The following CADM1 variants were observed in gnomAD, a reference collection of about 807,000 sequenced individuals.
CADM1 encodes the protein cell adhesion molecule 1.
CADM1 carries 15 observed loss-of-function variants against 53.1 expected under a neutral mutation model. The observed-to-expected ratio is 0.28, with a 90% CI of 0.19 to 0.44. CADM1 has a LOEUF of 0.44. CADM1 is among the 20% of genes least tolerant of loss of function. The pLI, the probability that CADM1 is intolerant of heterozygous loss-of-function variation, is 1.00. For synonymous variants in CADM1, 281 were observed against 243.0 expected (o/e 1.16, Z -1.45); for missense variants, 434 against 611.3 (o/e 0.71, Z 3.06).
intron 1 of CADM1, among the ~76,000 whole-genome samples, chr11:115,308,213 C>CATATATATATATATATAT (rs1944439260): frequency 2.4e-5 from 1 of 40,844 alleles, no homozygotes; most frequent in African/African-American, 1.4e-4. Context: ...TATATATATA[C>CATATATATATATATATAT]ACACCTATGA....
At chr11:115,209,770 T>A in intron 7 of CADM1, 113 bp from the exon 8 acceptor site, 1 of 1,304,682 alleles carries the variant, frequency 7.7e-7, no homozygotes. Flanking sequence ...GGCTTCCCCC[T>A]TTAAAACCAA....
chr11:115,219,313 T>C (rs1941315168), intron 5 of CADM1, among the ~76,000 whole-genome samples: 1 of 152,298 alleles, frequency 6.6e-6, no homozygotes, highest in Non-Finnish European at 1.5e-5. Context: ...AAGTCCTCAC[T>C]AGAGATAGCT....
At chr11:115,188,416 G>A (rs1446027566) in intron 10 of CADM1, among the ~76,000 whole-genome samples, 3 of 152,200 alleles carry the variant, frequency 2.0e-5, no homozygotes, top group Non-Finnish European at 4.4e-5. Context: ...AGATTAAAGA[G>A]GAGGATCAGC....
intron 1 of CADM1, among the ~76,000 whole-genome samples, chr11:115,268,611 C>A (rs1029027749): frequency 6.6e-6 from 1 of 152,188 alleles, no homozygotes; most frequent in African/African-American, 2.4e-5. Flanking sequence ...TGAGGGTAAC[C>A]AGAGCAGGGC....
chr11:115,296,903 T>A (rs928087614), intron 1 of CADM1, among the ~76,000 whole-genome samples: 2 of 152,198 alleles, frequency 1.3e-5, no homozygotes, highest in African/African-American at 4.8e-5. Flanking sequence ...AATGGGTTTG[T>A]CTTAATAAGT....
At chr11:115,202,619 G>T (rs895834104) in intron 8 of CADM1, among the ~76,000 whole-genome samples, 1 of 151,988 alleles carries the variant, frequency 6.6e-6, no homozygotes, top group Non-Finnish European at 1.5e-5. Flanking sequence ...ATTGTCATAA[G>T]CCTAAATGAA....
At position 115,234,893 on chromosome 11, in the gene CADM1, C is replaced by CCAAAA. The variant is rs1491516911; in HGVS notation, c.425-3404_425-3403insTTTTG. 1.5e-4 allele frequency among the ~76,000 whole-genome samples: 11 copies of CCAAAA among 75,398 alleles called. 1 individual carries two copies. Among genetic ancestry groups the CCAAAA allele is most frequent in the African/African-American group, 5.9e-4 (11 of 18,784 alleles). The allele number at this position is 75,398 out of a possible 152,430, so 49.5% of individuals were successfully genotyped here. ...GGGCGACACAGGGAGACTCCGTCTC[C>CCAAAA]AAAAAAAAAAAAAAAAAAAAAAAAA... is the stretch of plus-strand genomic sequence containing the variant. On this transcript the variant is annotated intron_variant, in intron 3 of 11. Transcript: ENST00000331581.
chr11:115,284,956 A>G lies in CADM1; in HGVS notation c.125-44536T>C, dbSNP rs537775091. ...CAAGAATGCCATGGAAGACAAAGAA[A>G]TACAGCTGGTTCAGTGAGTCAATCC... On this transcript the variant is annotated intron_variant, in intron 1 of 11. Coordinates refer to ENST00000331581, the MANE Select transcript of CADM1 (RefSeq NM_001301043.2). 1.8e-4 allele frequency among the ~76,000 whole-genome samples: 28 copies of G among 152,334 alleles called. 2 individuals are homozygous for G. The South Asian group carries it at 5.6e-3, about 30-fold the overall frequency.
intron 1 of CADM1, among the ~76,000 whole-genome samples, chr11:115,282,922 G>C (rs1943627293): frequency 6.6e-6 from 1 of 152,172 alleles, no homozygotes; most frequent in Admixed American, 6.5e-5. Flanking sequence ...GTATTCTACA[G>C]AGCATAGAAA....
intron 5 of CADM1, among the ~76,000 whole-genome samples, chr11:115,222,963 TTTTTG>T (rs1311567898): frequency 2.0e-5 from 3 of 152,226 alleles, no homozygotes; most frequent in South Asian, 4.2e-4. Context: ...GAGAGGGGTT[TTTTTG>T]TTTTGTTTTG....
intron 10 of CADM1, among the ~76,000 whole-genome samples, chr11:115,180,122 G>T (rs1414832342): frequency 1.3e-5 from 2 of 152,102 alleles, no homozygotes. Context: ...CTTTTGAGCC[G>T]AAACCTGATA....
At chr11:115,341,901 A>G (rs1307240616) in intron 1 of CADM1, among the ~76,000 whole-genome samples, 1 of 152,206 alleles carries the variant, frequency 6.6e-6, no homozygotes, top group African/African-American at 2.4e-5. Flanking sequence ...AAAATTACCA[A>G]TACAAACTTA....
intron 1 of CADM1, among the ~76,000 whole-genome samples, chr11:115,299,419 G>A (rs1944162016): frequency 6.6e-6 from 1 of 152,092 alleles, no homozygotes; most frequent in Admixed American, 6.6e-5. Flanking sequence ...CATGGTGTAT[G>A]TACTTTTTCT....
intron 1 of CADM1, among the ~76,000 whole-genome samples, chr11:115,339,077 G>T: frequency 8.6e-6 from 1 of 116,868 alleles, no homozygotes; most frequent in Admixed American, 1.0e-4. Flanking sequence ...CCCAGAGTGT[G>T]ATATTCCCCT....
intron 1 of CADM1, among the ~76,000 whole-genome samples, chr11:115,255,829 C>T (rs1012284432): frequency 1.3e-5 from 2 of 152,122 alleles, no homozygotes; most frequent in Admixed American, 6.5e-5. Flanking sequence ...TTGCAAACAA[C>T]GAGCAATGCA....
chr11:115,187,600 C>G (rs1053343927), intron 10 of CADM1, among the ~76,000 whole-genome samples: 4 of 152,150 alleles, frequency 2.6e-5, no homozygotes, highest in African/African-American at 9.7e-5. Context: ...GCCACCACGC[C>G]TGGCTAATTT....
chr11:115,294,523 C>T (rs561066704), intron 1 of CADM1, among the ~76,000 whole-genome samples: 3 of 152,196 alleles, frequency 2.0e-5, no homozygotes, highest in Non-Finnish European at 2.9e-5. Context: ...TTGGGAAGGG[C>T]CTTCCTCTTC....
intron 7 of CADM1, among the ~76,000 whole-genome samples, chr11:115,211,721 C>A (rs1348267627): frequency 6.6e-6 from 1 of 151,398 alleles, no homozygotes; most frequent in East Asian, 1.9e-4. Flanking sequence ...AAACTCCTGA[C>A]CTTGTGATCC....
rs1006014039 is a variant in CADM1 at position 115,463,168 on chromosome 11, G to A, written c.124+41103C>T. On this transcript the variant is annotated intron_variant, in intron 1 of 11. Transcript: ENST00000331581. ...ATTTCTGGGGACTCACCAACCTCCT[G>A]AAGGCTATTGATTGATCCTATGGAC... 3.3e-5 allele frequency among the ~76,000 whole-genome samples: 5 copies of A among 152,096 alleles called. No homozygotes were observed. The South Asian group carries it at 1.0e-3, about 32-fold the overall frequency.
Sources: allele counts gnomAD v4.1 joint callset (sites outside exome capture counted in the v4.1 genomes callset), GRCh38; gene constraint gnomAD v4.1.1; transcripts MANE v1.5; gene names NCBI Gene and HGNC (gene_info 2026-07-23, HGNC 2026-07-21).